Variants in CFAP157 observed in about 807,000 individuals in gnomAD.
CFAP157 encodes the protein cilia- and flagella-associated protein 157.
In CFAP157, 43 loss-of-function variants were observed where a neutral mutation model predicts 57.8. That is an observed-to-expected ratio of 0.74 (90% confidence interval 0.58 to 0.96). The LOEUF (loss-of-function observed/expected upper bound fraction) is 0.96. Among genes scored for constraint, CFAP157 ranks in the 40% least tolerant of loss-of-function variants. The pLI is 0.00. For missense variants in CFAP157, 606 were observed against 655.3 expected, an observed-to-expected ratio of 0.92 and a Z score of 0.82; for synonymous variants, 267 against 269.0, an observed-to-expected ratio of 0.99 and a Z score of 0.07.
Position 127,715,227 on chromosome 9 carries a change from C to A in CFAP157, c.*1322C>A. 4 of 1,520,240 alleles carry A rather than the reference C, an allele frequency of 2.6e-6. No individual in the cohort carries two copies. The highest frequency in any genetic ancestry group is 2.5e-5 in the East Asian group (1 of 40,704). The allele number at this position is 1,520,240 out of a possible 1,614,324, so 94.2% of individuals were successfully genotyped here. ...CGGCACCAGGGAAACTGAGGCCCAA[C>A]AACTCTCGCCACCCCCGATCTCACA... On this transcript the variant is annotated 3_prime_UTR_variant, in exon 9 of 9. Coordinates refer to ENST00000373295, the MANE Select transcript of CFAP157 (RefSeq NM_001012502.3). The surrounding 1 kb of genome is among the most constrained non-coding windows in gnomAD (Gnocchi z 5.8).
At chr9:127,712,607 A>G (rs1488661762) in intron 6 of CFAP157, 102 bp from the exon 7 acceptor site, 1 of 1,597,404 alleles carries the variant, frequency 6.3e-7, no homozygotes, top group Non-Finnish European at 8.5e-7. Context: ...CACCACAGAC[A>G]GGGAAAACTT....
rs1842806460 is a variant in CFAP157, at chr9:127,713,105, C to T, written c.1390C>T (p.Leu464=). The change falls in exon 8 of 9, where the codon CTG becomes TTG. Residue 464 remains leucine (L), a synonymous_variant. Coordinates refer to ENST00000373295, the MANE Select transcript of CFAP157 (RefSeq NM_001012502.3). ...ITPYQPGDLG[L]VPRQVHIPPN... ...CCCCTACCAGCCGGGGGATCTAGGC[C>T]TGGTACCTCGCCAGGTCCACATCCC... The T allele has an allele frequency of 6.2e-7, 1 of 1,613,434 alleles. No individual in the cohort carries two copies. The highest frequency in any genetic ancestry group is 1.3e-5 in the African/African-American group (1 of 74,936).
At chr9:127,707,273 G>A in intron 1 of CFAP157, 81 bp downstream of exon 1, 1 of 1,498,804 alleles carries the variant, frequency 6.7e-7, no homozygotes, top group Non-Finnish European at 9.0e-7. Flanking sequence ...GTTTGGCCAT[G>A]GGGCCTTAGG....
rs1284691134 is a variant in CFAP157, at chr9:127,714,345, C to A, written c.*440C>A. The A allele has an allele frequency of 4.3e-6, 7 of 1,614,050 alleles. No individual in the cohort carries two copies. In the East Asian group the frequency reaches 1.6e-4, roughly 36 times the overall value. On this transcript the variant is annotated 3_prime_UTR_variant, in exon 9 of 9. Coordinates refer to ENST00000373295, the MANE Select transcript of CFAP157 (RefSeq NM_001012502.3). Reference sequence around the variant, plus strand: ...AGGTGCTGGGGGACCCCTGGCCCACCCGACCCAGTTGCACAACAAAAGGGT... The same window carrying A: ...AGGTGCTGGGGGACCCCTGGCCCACACGACCCAGTTGCACAACAAAAGGGT...
In CFAP157 at chr9:127,715,817, T is replaced by G; in HGVS notation, c.*1912T>G. ...GGCCGAGTCCGGGAACCCAGGCGCC[T>G]TCAGTAGCGCGGCGTCACAGTGTCC... On this transcript the variant is annotated 3_prime_UTR_variant, in exon 9 of 9. Transcript: ENST00000373295. This position sits in a 1 kb window ranked among gnomAD's most constrained non-coding sequence, Gnocchi z 5.8. 1 of 1,243,326 alleles carries G rather than the reference T, an allele frequency of 8.0e-7. No individual in the cohort carries two copies. Among genetic ancestry groups the G allele is most frequent in the Non-Finnish European group, 1.1e-6 (1 of 903,092 alleles). The allele number at this position is 1,243,326 out of a possible 1,614,324, so 77.0% of individuals were successfully genotyped here.
At position 127,715,684 on chromosome 9, in the gene CFAP157, C is replaced by A. The variant is rs372656710; in HGVS notation, c.*1779C>A. The A allele has an allele frequency of 8.6e-4, 1,369 of 1,592,266 alleles. 1 individual carries two copies. The highest frequency in any genetic ancestry group is 1.0e-3 in the Non-Finnish European group (1,206 of 1,172,750). ...ACACCGCCCCCTGACGTCATCACCC[C>A]GCAGCAGCCAATCGTGTTGCCAACT... On this transcript the variant is annotated 3_prime_UTR_variant, in exon 9 of 9. Transcript: ENST00000373295. The surrounding 1 kb of genome is among the most constrained non-coding windows in gnomAD (Gnocchi z 5.8).
Position 127,707,151 on chromosome 9 carries a change from C to A in CFAP157, c.120C>A (p.Phe40Leu), listed in dbSNP as rs781055340. 1.2e-6 allele frequency: 2 copies of A among 1,613,582 alleles called. No individual in the cohort carries two copies. Among genetic ancestry groups the A allele is most frequent in the Non-Finnish European group, 8.5e-7 (1 of 1,179,984 alleles). The change falls in exon 1 of 9, where the codon TTC (phenylalanine) becomes TTA (leucine). Residue 40 changes from phenylalanine (F) to leucine (L), a missense_variant. Physicochemically the swap from Phe to Leu is conservative, Grantham distance 22. Transcript: ENST00000373295. Reference protein sequence around the residue: ...EPPLAKEMKEFYHIQIRDLED... With the variant: ...EPPLAKEMKELYHIQIRDLED... Reference sequence around the variant, plus strand: ...CTCTGGCCAAGGAGATGAAGGAGTTCTACCACATCCAGATCCGAGACCTGG... The same window carrying A: ...CTCTGGCCAAGGAGATGAAGGAGTTATACCACATCCAGATCCGAGACCTGG...
At position 127,714,561 on chromosome 9, in the gene CFAP157, G is replaced by A; in HGVS notation, c.*656G>A. On this transcript the variant is annotated 3_prime_UTR_variant, in exon 9 of 9. Coordinates refer to ENST00000373295, the MANE Select transcript of CFAP157 (RefSeq NM_001012502.3). ...AGCCCTACTCCACCCCAACTGGGAG[G>A]CCTGAAGCCCTATCCCAACCCTGAC... 1.9e-6 allele frequency: 3 copies of A among 1,599,420 alleles called. No homozygotes were observed. The highest frequency in any genetic ancestry group is 2.6e-6 in the Non-Finnish European group (3 of 1,167,146).
Position 127,714,333 on chromosome 9 carries a change from C to T in CFAP157, c.*428C>T. The T allele has an allele frequency of 3.1e-6, 5 of 1,614,122 alleles. No homozygotes were observed. The highest frequency in any genetic ancestry group is 3.4e-6 in the Non-Finnish European group (4 of 1,179,978). ...GAAGCTTTGGCGAGGTGCTGGGGGA[C>T]CCCTGGCCCACCCGACCCAGTTGCA... On this transcript the variant is annotated 3_prime_UTR_variant, in exon 9 of 9. Coordinates refer to ENST00000373295, the MANE Select transcript of CFAP157 (RefSeq NM_001012502.3).
chr9:127,712,277 T>G lies in CFAP157; in HGVS notation c.1065T>G (p.Asn355Lys), dbSNP rs750970463. The change falls in exon 6 of 9, where the codon AAT becomes AAG. Residue 355 changes from asparagine to lysine, a missense_variant. Asn to Lys is a moderately conservative substitution (Grantham distance 94, BLOSUM62 0). Transcript: ENST00000373295. ...DLQRLQQELA[N>K]EQKVRASLEA... The stretch of plus-strand genomic sequence containing the variant: ...AGCGGCTACAGCAGGAACTGGCTAA[T>G]GAGCAGAAGGTTCGGGCCAGCCTGG... 2 of 1,614,022 alleles carry G rather than the reference T, an allele frequency of 1.2e-6. No homozygotes were observed. The highest frequency in any genetic ancestry group is 1.7e-6 in the Non-Finnish European group (2 of 1,179,984).
intron 3 of CFAP157, among the ~76,000 whole-genome samples, chr9:127,710,982 G>T (rs1253255416): frequency 1.3e-5 from 2 of 152,164 alleles, no homozygotes; most frequent in Admixed American, 6.6e-5. Flanking sequence ...GACTCCCAGG[G>T]CTTCCTTTTG....
rs1259410594 is a variant in CFAP157 at position 127,714,953 on chromosome 9, AC to A, written c.*1052del. ...CCCCACCCCCTTGGCCCGCCCGCCC[AC>A]CCCTGGCGCTCTCAACTCACCAGCC... On this transcript the variant is annotated 3_prime_UTR_variant, in exon 9 of 9. Transcript: ENST00000373295. 7.6e-6 allele frequency: 1 copy of A among 132,418 alleles called. No individual in the cohort carries two copies. Among genetic ancestry groups the A allele is most frequent in the Non-Finnish European group, 1.3e-5 (1 of 78,372 alleles). The allele number at this position is 132,418 out of a possible 1,614,324, so 8.2% of individuals were successfully genotyped here.
Position 127,715,842 on chromosome 9 carries a change from C to T in CFAP157, c.*1937C>T. 2 of 1,040,076 alleles carry T rather than the reference C, an allele frequency of 1.9e-6. No individual in the cohort carries two copies. Among genetic ancestry groups the T allele is most frequent in the Non-Finnish European group, 2.8e-6 (2 of 721,462 alleles). 64.4% of individuals were successfully genotyped at this position (1,040,076 alleles called of 1,614,324 possible). ...TTCAGTAGCGCGGCGTCACAGTGTC[C>T]CTTCGGGACTTGTGTGGGACGCTCG... On this transcript the variant is annotated 3_prime_UTR_variant, in exon 9 of 9. Coordinates refer to ENST00000373295, the MANE Select transcript of CFAP157 (RefSeq NM_001012502.3). This position sits in a 1 kb window ranked among gnomAD's most constrained non-coding sequence, Gnocchi z 5.8.
At position 127,707,040 on chromosome 9, in the gene CFAP157, C is replaced by A. The variant is rs1242304153; in HGVS notation, c.9C>A (p.Pro3=). 6.2e-7 allele frequency: 1 copy of A among 1,613,626 alleles called. No homozygotes were observed. The highest frequency in any genetic ancestry group is 2.2e-5 in the East Asian group (1 of 44,880). Residue 3 remains proline, a synonymous_variant, in exon 1 of 9, where the codon CCC becomes CCA. Transcript: ENST00000373295. The part of the protein sequence containing the change: MA[P]KKSVSKAGKE... ...CCTGGTTGCCATCAGCCATGGCTCCCAAAAAGAGTGTGAGCAAGGCAGGCA... is the reference window on the plus strand; with the variant it reads ...CCTGGTTGCCATCAGCCATGGCTCCAAAAAAGAGTGTGAGCAAGGCAGGCA...
chr9:127,712,600 CACAG>C lies in CFAP157; in HGVS notation c.1138-104_1138-101del, dbSNP rs748180352. On this transcript the variant is annotated intron_variant, in intron 6 of 8. Coordinates refer to ENST00000373295, the MANE Select transcript of CFAP157 (RefSeq NM_001012502.3). Reference sequence around the variant, plus strand: ...CCCGACTGAAGAATGGGTATCCCACCACAGACAGGGAAAACTTCGTGGAAATGGG... The same window carrying C: ...CCCGACTGAAGAATGGGTATCCCACCACAGGGAAAACTTCGTGGAAATGGG... 3 of 1,589,344 alleles carry C rather than the reference CACAG, an allele frequency of 1.9e-6. No individual in the cohort carries two copies. In the South Asian group the frequency reaches 3.4e-5, roughly 18 times the overall value.
Position 127,711,264 on chromosome 9 carries a change from TGGCCAATGAGTTCCACAA to T in CFAP157, c.626_643del (p.Ala209_Lys214del). 6.2e-7 allele frequency: 1 copy of T among 1,614,172 alleles called. No homozygotes were observed. Among genetic ancestry groups the T allele is most frequent in the Non-Finnish European group, 8.5e-7 (1 of 1,180,030 alleles). ...GAGATCATCCAGCGCGTGAACCTCGTGGCCAATGAGTTCCACAAGGTGACCACGAACCGGATGTGGGAG... is the reference window on the plus strand; with the variant it reads ...GAGATCATCCAGCGCGTGAACCTCGTGGTGACCACGAACCGGATGTGGGAG... On this transcript the variant is annotated inframe_deletion, in exon 4 of 9. Coordinates refer to ENST00000373295, the MANE Select transcript of CFAP157 (RefSeq NM_001012502.3).
Position 127,714,443 on chromosome 9 carries a change from G to A in CFAP157, c.*538G>A. On this transcript the variant is annotated 3_prime_UTR_variant, in exon 9 of 9. Coordinates refer to ENST00000373295, the MANE Select transcript of CFAP157 (RefSeq NM_001012502.3). Reference sequence around the variant, plus strand: ...GTGGCCCCTTCAAGGGATATGGGAGGGGCAGTTAGTGCCTCCCTGGGGCAG... The same window carrying A: ...GTGGCCCCTTCAAGGGATATGGGAGAGGCAGTTAGTGCCTCCCTGGGGCAG... 6.2e-7 allele frequency: 1 copy of A among 1,614,062 alleles called. No individual in the cohort carries two copies. Among genetic ancestry groups the A allele is most frequent in the Non-Finnish European group, 8.5e-7 (1 of 1,179,942 alleles).
chr9:127,709,530 G>C lies in CFAP157; in HGVS notation c.270G>C (p.Thr90=), dbSNP rs535672656. 3.3e-5 allele frequency: 53 copies of C among 1,614,104 alleles called. No homozygotes were observed. The Middle Eastern group carries it at 4.9e-4, about 15-fold the overall frequency. The change falls in exon 2 of 9, where the codon ACG becomes ACC. Residue 90 remains threonine (T), a synonymous_variant. Coordinates refer to ENST00000373295, the MANE Select transcript of CFAP157 (RefSeq NM_001012502.3). The surrounding 1 kb of genome is among the most constrained non-coding windows in gnomAD (Gnocchi z 4.7). ...KKEIVAFLKR[T]LNQQVDEITD... ...AGATTGTGGCCTTCCTCAAGCGCAC[G>C]CTCAACCAGCAGGTGGATGAGATCA...
intron 3 of CFAP157, 100 bp from the exon 4 acceptor site, chr9:127,711,129 T>G: frequency 2.1e-6 from 3 of 1,412,244 alleles, no homozygotes; most frequent in Non-Finnish European, 2.9e-6. Context: ...AGCATGCTGG[T>G]GTTTAACAGC....
Sources: allele counts gnomAD v4.1 joint callset (sites outside exome capture counted in the v4.1 genomes callset), GRCh38; gene constraint gnomAD v4.1.1; non-coding constraint Gnocchi (gnomAD v3.1); transcripts MANE v1.5; gene names NCBI Gene and HGNC (gene_info 2026-07-23, HGNC 2026-07-21).